KAZN: variants seen among roughly 807,000 people sequenced by gnomAD.
KAZN encodes kazrin.
A neutral mutation model predicts 87.4 loss-of-function variants in KAZN; 40 were observed. The observed-to-expected ratio is 0.46, with a 90% CI of 0.36 to 0.60. The LOEUF (loss-of-function observed/expected upper bound fraction) is 0.60, where lower values mean the gene tolerates loss of function less well. KAZN is among the 20% of genes least tolerant of loss of function. The probability of loss-of-function intolerance (pLI) is 0.00; values close to 1 mark genes in which losing one functional copy is unlikely to be tolerated. For synonymous variants in KAZN, 466 were observed against 458.3 expected (o/e 1.02, Z -0.22); for missense variants, 898 against 1,073.9 (o/e 0.84, Z 2.29).
intron 2 of KAZN, among the ~76,000 whole-genome samples, chr1:14,506,047 T>A (rs1295749132): frequency 6.6e-6 from 1 of 152,182 alleles, no homozygotes; most frequent in Non-Finnish European, 1.5e-5. Context: ...GTCACTAAAC[T>A]GTGCACTTAA....
At chr1:14,833,219 A>C (rs541163528) in intron 1 of KAZN, among the ~76,000 whole-genome samples, 1 of 151,940 alleles carries the variant, frequency 6.6e-6, no homozygotes, top group Non-Finnish European at 1.5e-5. Context: ...ATGGCGTGAC[A>C]GTGGCAGTGG....
chr1:13,988,077 A>T (rs913132946), intron 1 of KAZN, among the ~76,000 whole-genome samples: 25 of 152,186 alleles, frequency 1.6e-4, no homozygotes, highest in African/African-American at 6.0e-4. Context: ...AACACCTTCT[A>T]TTGTACTTCA....
At position 14,574,587 on chromosome 1, in the gene KAZN, C is replaced by T. The variant is rs182870028; in HGVS notation, c.250-24396C>T. 1.9e-4 allele frequency among the ~76,000 whole-genome samples: 29 copies of T among 152,256 alleles called. No individual in the cohort carries two copies. The East Asian group carries it at 5.2e-3, about 27-fold the overall frequency. On this transcript the variant is annotated intron_variant, in intron 2 of 16. Coordinates refer to the KAZN transcript ENST00000636203. Reference sequence around the variant, plus strand: ...CTTCTGCCGTGATTGTGAGGCCTCCCCAGCCCATGAAACTGTGAGACCATT... The same window carrying T: ...CTTCTGCCGTGATTGTGAGGCCTCCTCAGCCCATGAAACTGTGAGACCATT...
chr1:15,084,253 G>A (rs1393678756), intron 8 of KAZN, among the ~76,000 whole-genome samples: 1 of 152,168 alleles, frequency 6.6e-6, no homozygotes, highest in African/African-American at 2.4e-5. Context: ...CTTGGCTGAT[G>A]ACCTCGGCAA....
At chr1:15,111,518 T>A (rs551909959) in intron 13 of KAZN, among the ~76,000 whole-genome samples, 1 of 152,138 alleles carries the variant, frequency 6.6e-6, no homozygotes, top group Non-Finnish European at 1.5e-5. Context: ...CCTCAAGTGA[T>A]CCACACGCCT....
At chr1:13,897,113 T>C (rs1639074595) in intron 1 of KAZN, among the ~76,000 whole-genome samples, 1 of 152,038 alleles carries the variant, frequency 6.6e-6, no homozygotes, top group African/African-American at 2.4e-5. Context: ...GGCCCACTAC[T>C]TGCTTTTGTA....
intron 2 of KAZN, among the ~76,000 whole-genome samples, chr1:14,197,081 G>A (rs898793992): frequency 5.9e-5 from 9 of 152,106 alleles, no homozygotes; most frequent in African/African-American, 1.7e-4. Context: ...TTCTGGGGGC[G>A]TGAGCCCAGC....
At position 14,282,224 on chromosome 1, in the gene KAZN, C is replaced by G. The variant is rs578221136; in HGVS notation, c.249+101632C>G. 2.6e-5 allele frequency among the ~76,000 whole-genome samples: 4 copies of G among 152,170 alleles called. No individual in the cohort carries two copies. In the South Asian group the frequency reaches 8.3e-4, roughly 32 times the overall value. On this transcript the variant is annotated intron_variant, in intron 2 of 16. Coordinates refer to the KAZN transcript ENST00000636203. ...TGACTCAATCACTGGACAGGACAGG[C>G]ACAGAATTTCTGCAGTCCATGAAAT...
At chr1:14,706,792 A>G (rs1211897900) in intron 1 of KAZN, among the ~76,000 whole-genome samples, 1 of 152,200 alleles carries the variant, frequency 6.6e-6, no homozygotes, top group African/African-American at 2.4e-5. Flanking sequence ...TGAATGTGCC[A>G]TCTGTTTCCT....
At chr1:14,744,121 A>G (rs1199825214) in intron 1 of KAZN, among the ~76,000 whole-genome samples, 2 of 152,200 alleles carry the variant, frequency 1.3e-5, no homozygotes, top group African/African-American at 4.8e-5. Flanking sequence ...GGCCATCACC[A>G]GTGCCCTGAA....
rs375014620 is a variant in KAZN at position 14,939,249 on chromosome 1, G to A, written c.227-21435G>A. On this transcript the variant is annotated intron_variant, in intron 1 of 14. Transcript: ENST00000376030. The stretch of plus-strand genomic sequence containing the variant: ...GGCCTCCCAAAGTGCTGGGATTACA[G>A]GTGTGAGCCACCGTGCCTGGCCTGT... 7.9e-5 allele frequency among the ~76,000 whole-genome samples: 12 copies of A among 152,174 alleles called. No homozygotes were observed. The East Asian group carries it at 1.2e-3, about 15-fold the overall frequency.
rs542830226 is a variant in KAZN, at chr1:15,110,811, T to C, written c.2049-1616T>C. ...TGCCACTGGGTGTCTTGTGTATCTT[T>C]GGACAAGACACACCCCCTCTTTGGT... On this transcript the variant is annotated intron_variant, in intron 13 of 14. Transcript: ENST00000376030. Among the ~76,000 whole-genome samples, 10 of 152,336 alleles carry C rather than the reference T, an allele frequency of 6.6e-5. No homozygotes were observed. The East Asian group carries it at 1.7e-3, about 26-fold the overall frequency.
Position 14,060,288 on chromosome 1 carries a change from G to A in KAZN, c.92-120147G>A, listed in dbSNP as rs530715072. Among the ~76,000 whole-genome samples, 14 of 151,112 alleles carry A rather than the reference G, an allele frequency of 9.3e-5. No homozygotes were observed. The South Asian group carries it at 1.0e-3, about 11-fold the overall frequency. On this transcript the variant is annotated intron_variant, in intron 1 of 16. Transcript: ENST00000636203. ...TGAGGCAGGAGAATGGCGTGAAACC[G>A]GGAGGCGGAGCTTACAGTGAGCCGA...
At chr1:14,411,590 G>A (rs1408741796) in intron 2 of KAZN, among the ~76,000 whole-genome samples, 20 of 152,328 alleles carry the variant, frequency 1.3e-4, no homozygotes, top group Admixed American at 8.5e-4. Flanking sequence ...GTGAGCCACC[G>A]CGCTCCCCTG....
At chr1:14,636,189 T>C (rs1020886423) in intron 1 of KAZN, among the ~76,000 whole-genome samples, 6 of 152,154 alleles carry the variant, frequency 3.9e-5, no homozygotes, top group Non-Finnish European at 7.4e-5. Context: ...ATGGGGTGAT[T>C]TGGGGCAAGG....
intron 1 of KAZN, among the ~76,000 whole-genome samples, chr1:14,805,897 T>C (rs1646202862): frequency 6.6e-6 from 1 of 152,100 alleles, no homozygotes; most frequent in African/African-American, 2.4e-5. Flanking sequence ...GGGGTGTACA[T>C]GCTGGGAGGC....
chr1:14,419,786 G>A (rs1228523185), intron 2 of KAZN, among the ~76,000 whole-genome samples: 3 of 151,974 alleles, frequency 2.0e-5, no homozygotes, highest in Admixed American at 6.6e-5. Flanking sequence ...CTCCCATCCG[G>A]AGTTGTTCAT....
chr1:14,573,370 C>G (rs944047650), intron 2 of KAZN, among the ~76,000 whole-genome samples: 1 of 152,144 alleles, frequency 6.6e-6, no homozygotes, highest in Non-Finnish European at 1.5e-5. Context: ...CACTAAAACC[C>G]GGGCACGGTG....
chr1:14,477,446 C>CA (rs1668810861), intron 2 of KAZN, among the ~76,000 whole-genome samples: 1 of 150,132 alleles, frequency 6.7e-6, no homozygotes, highest in Non-Finnish European at 1.5e-5. Flanking sequence ...CTCTCTCTCC[C>CA]CCTCTCTCTC....
Sources: allele counts gnomAD v4.1 joint callset (sites outside exome capture counted in the v4.1 genomes callset), GRCh38; gene constraint gnomAD v4.1.1; transcripts MANE v1.5; gene names NCBI Gene and HGNC (gene_info 2026-07-23, HGNC 2026-07-21).